The following ZFHX3 variants were observed in gnomAD, a reference collection of about 807,000 sequenced individuals.
ZFHX3 encodes the protein zinc finger homeobox protein 3.
In ZFHX3, 42 loss-of-function variants were observed where a neutral mutation model predicts 279.1. That is an observed-to-expected ratio of 0.15 (90% CI 0.12 to 0.19). The LOEUF is 0.19. ZFHX3 is among the 10% of genes least tolerant of loss of function. The probability of loss-of-function intolerance (pLI) is 1.00; values close to 1 mark genes in which losing one functional copy is unlikely to be tolerated. For missense variants in ZFHX3, 4,981 were observed against 4,754.0 expected, an observed-to-expected ratio of 1.05 and a Z score of -1.40; for synonymous variants, 2,293 against 1,957.8, an observed-to-expected ratio of 1.17 and a Z score of -4.52.
chr16:73,305,080 A>T (rs78022449), intron 4 of ZFHX3, among the ~76,000 whole-genome samples: 10 of 26,526 alleles, frequency 3.8e-4, no homozygotes, highest in African/African-American at 5.4e-4. Context: ...TAAAAAATTA[A>T]AAAAAAAAGC....
intron 7 of ZFHX3, among the ~76,000 whole-genome samples, chr16:73,116,829 G>T (rs780152762): frequency 7.2e-5 from 11 of 152,120 alleles, no homozygotes; most frequent in Admixed American, 3.3e-4. Flanking sequence ...GTTTATTCAC[G>T]CAGGAATGGG....
Position 72,959,138 on chromosome 16 carries a change from A to G in ZFHX3, c.1008T>C (p.Leu336=). 1 of 1,614,242 alleles carries G rather than the reference A, an allele frequency of 6.2e-7. No individual in the cohort carries two copies. The highest frequency in any genetic ancestry group is 8.5e-7 in the Non-Finnish European group (1 of 1,180,042). The change falls in exon 2 of 10, where the codon CTT becomes CTC. Residue 336 remains leucine, a synonymous_variant. Coordinates refer to ENST00000268489, the MANE Select transcript of ZFHX3 (RefSeq NM_006885.4). Reference sequence around the variant, plus strand: ...TGTTTTTTGGTTCCAGAAAACTTACAAGGGGTTCCTTGTCTTTGCCGATCC... The same window carrying G: ...TGTTTTTTGGTTCCAGAAAACTTACGAGGGGTTCCTTGTCTTTGCCGATCC... The part of the protein sequence containing the change: ...IQGIGKDKEP[L]VSFLEPKNKN...
intron 4 of ZFHX3, among the ~76,000 whole-genome samples, chr16:73,276,540 A>G (rs2014307638): frequency 6.6e-6 from 1 of 152,182 alleles, no homozygotes; most frequent in Non-Finnish European, 1.5e-5. Flanking sequence ...TTTACATAAT[A>G]TTGAAAACAA....
intron 5 of ZFHX3, among the ~76,000 whole-genome samples, chr16:72,822,523 G>C (rs1416101348): frequency 6.6e-6 from 1 of 152,082 alleles, no homozygotes; most frequent in Admixed American, 6.6e-5. Flanking sequence ...CCCATGGAAA[G>C]GCACAATGGT....
rs112198098 is a variant in ZFHX3 at position 73,038,399 on chromosome 16, A to T, written c.-50+9353T>A. 7.4e-4 allele frequency among the ~76,000 whole-genome samples: 112 copies of T among 151,672 alleles called. 1 individual carries two copies. The highest frequency in any genetic ancestry group is 2.6e-3 in the African/African-American group (108 of 41,016). On this transcript the variant is annotated intron_variant, in intron 1 of 9. Coordinates refer to ENST00000268489, the MANE Select transcript of ZFHX3 (RefSeq NM_006885.4). ...ACCTTTCAGAGAATAAACAGAAGAA[A>T]AAAACTTCCTCCCTGACTCAGTAAC... is the stretch of plus-strand genomic sequence containing the variant.
At chr16:73,044,586 C>T (rs1965225495) in intron 1 of ZFHX3, among the ~76,000 whole-genome samples, 1 of 140,214 alleles carries the variant, frequency 7.1e-6, no homozygotes, top group Non-Finnish European at 1.5e-5. Flanking sequence ...AAGTGAGTTA[C>T]TCTTAAAAGG....
In ZFHX3 at chr16:72,820,407, T is replaced by C. The variant is rs182880835; in HGVS notation, c.3530-8369A>G. 3.2e-3 allele frequency among the ~76,000 whole-genome samples: 487 copies of C among 152,320 alleles called. 5 individuals are homozygous for C. Among genetic ancestry groups the C allele is most frequent in the Non-Finnish European group, 2.2e-3 (151 of 68,030 alleles). ...TTCAATTTCAAGACACCTTGCTCCCTCTGTGTCAGGTTTGCAAATGAACCA... is the reference window on the plus strand; with the variant it reads ...TTCAATTTCAAGACACCTTGCTCCCCCTGTGTCAGGTTTGCAAATGAACCA... On this transcript the variant is annotated intron_variant, in intron 5 of 9. Coordinates refer to ENST00000268489, the MANE Select transcript of ZFHX3 (RefSeq NM_006885.4).
At chr16:73,404,490 G>A (rs1177640615) in intron 3 of ZFHX3, among the ~76,000 whole-genome samples, 1 of 152,224 alleles carries the variant, frequency 6.6e-6, no homozygotes, top group Non-Finnish European at 1.5e-5. Context: ...GAAATTACAA[G>A]TCTAAGCAGC....
intron 1 of ZFHX3, among the ~76,000 whole-genome samples, chr16:73,770,740 C>T (rs911492003): frequency 4.6e-5 from 7 of 152,172 alleles, no homozygotes; most frequent in African/African-American, 1.7e-4. Flanking sequence ...CTTCTGCACC[C>T]CTCAAAGTAG....
chr16:73,106,650 A>C (rs1966308816), intron 7 of ZFHX3, among the ~76,000 whole-genome samples: 2 of 152,196 alleles, frequency 1.3e-5, no homozygotes, highest in Non-Finnish European at 2.9e-5. Context: ...ATTCTGTGCA[A>C]GTTGGAAAAA....
chr16:73,819,208 C>T (rs1220376008), intron 1 of ZFHX3, among the ~76,000 whole-genome samples: 2 of 151,780 alleles, frequency 1.3e-5, no homozygotes, highest in Non-Finnish European at 2.9e-5. Context: ...TAGCTGAGGC[C>T]AGAACCAAGA....
chr16:73,687,041 TA>T (rs1484548023), intron 1 of ZFHX3, among the ~76,000 whole-genome samples: 2 of 117,634 alleles, frequency 1.7e-5, no homozygotes, highest in East Asian at 2.7e-4. Context: ...TATATATATA[TA>T]TATATATATA....
At chr16:73,828,133 G>A (rs1960907663) in intron 1 of ZFHX3, among the ~76,000 whole-genome samples, 1 of 77,820 alleles carries the variant, frequency 1.3e-5, no homozygotes, top group South Asian at 5.6e-4. Flanking sequence ...TCCTCTTGTT[G>A]AATCGATCCC....
chr16:72,935,015 CAGTAAGG>C (rs1960043877), intron 3 of ZFHX3, among the ~76,000 whole-genome samples: 3 of 152,290 alleles, frequency 2.0e-5, no homozygotes, highest in South Asian at 4.1e-4. Context: ...GTAGCACCTG[CAGTAAGG>C]ATAAAATCAT....
chr16:73,775,250 G>A (rs1959220271), intron 1 of ZFHX3, among the ~76,000 whole-genome samples: 1 of 152,170 alleles, frequency 6.6e-6, no homozygotes, highest in South Asian at 2.1e-4. Context: ...GTATGACTGA[G>A]AGGTCTCCGC....
chr16:73,135,865 T>C (rs1966779684), intron 6 of ZFHX3, among the ~76,000 whole-genome samples: 1 of 151,648 alleles, frequency 6.6e-6, no homozygotes, highest in Admixed American at 6.6e-5. Context: ...TATATTCTTT[T>C]TTTTTTTTTT....
At chr16:72,863,316 A>G (rs1041315516) in intron 4 of ZFHX3, among the ~76,000 whole-genome samples, 2 of 146,406 alleles carry the variant, frequency 1.4e-5, no homozygotes, top group Non-Finnish European at 3.0e-5. Context: ...CAACTTGGAC[A>G]ACACGGCAAA....
At chr16:73,880,810 G>T (rs571726465) in intron 1 of ZFHX3, among the ~76,000 whole-genome samples, 1 of 152,262 alleles carries the variant, frequency 6.6e-6, no homozygotes, top group African/African-American at 2.4e-5. Context: ...ATCAAAGTTT[G>T]CTTGGTGAAA....
chr16:73,653,633 T>C (rs1173968247), intron 2 of ZFHX3, among the ~76,000 whole-genome samples: 1 of 152,098 alleles, frequency 6.6e-6, no homozygotes, highest in African/African-American at 2.4e-5. Context: ...TGAAGGGCAA[T>C]GACTACTTTC....
Sources: allele counts gnomAD v4.1 joint callset (sites outside exome capture counted in the v4.1 genomes callset), GRCh38; gene constraint gnomAD v4.1.1; transcripts MANE v1.5; gene names NCBI Gene and HGNC (gene_info 2026-07-23, HGNC 2026-07-21).